LRMDA: variants seen among roughly 807,000 people sequenced by gnomAD.
LRMDA encodes leucine-rich melanocyte differentiation-associated protein.
A neutral mutation model predicts 29.8 loss-of-function variants in LRMDA; 18 were observed. The observed-to-expected ratio is 0.60, with a 90% CI of 0.42 to 0.90. LRMDA has a LOEUF of 0.90. Among genes scored for constraint, LRMDA ranks in the 40% least tolerant of loss-of-function variants. The pLI, the probability that LRMDA is intolerant of heterozygous loss-of-function variation, is 0.00. For missense variants in LRMDA, 273 were observed against 273.9 expected, an observed-to-expected ratio of 1.00 and a Z score of 0.02; for synonymous variants, 125 against 109.4, an observed-to-expected ratio of 1.14 and a Z score of -0.89.
rs182949228 is a variant in LRMDA, at chr10:75,962,203, C to G, written c.132-73805C>G. 6.6e-5 allele frequency among the ~76,000 whole-genome samples: 10 copies of G among 152,278 alleles called. No homozygotes were observed. The East Asian group carries it at 1.2e-3, about 18-fold the overall frequency. On this transcript the variant is annotated intron_variant, in intron 2 of 6. Transcript: ENST00000611255. ...GATTCCACTCATAACAAAAGAGACC[C>G]ACTAGGCACTAGGGAGTGAGCTACT...
chr10:76,027,638 C>T (rs1381652258), intron 2 of LRMDA, among the ~76,000 whole-genome samples: 1 of 152,082 alleles, frequency 6.6e-6, no homozygotes, highest in African/African-American at 2.4e-5. Context: ...ACTAGAACAA[C>T]TAAGAAAGAT....
chr10:75,819,038 CA>C (rs1844111354), intron 2 of LRMDA, among the ~76,000 whole-genome samples: 1 of 152,152 alleles, frequency 6.6e-6, no homozygotes, highest in South Asian at 2.1e-4. Context: ...TTACTCTAGG[CA>C]AATTTTAGAA....
intron 6 of LRMDA, among the ~76,000 whole-genome samples, chr10:76,533,886 TAC>T (rs1843263663): frequency 6.6e-6 from 1 of 152,202 alleles, no homozygotes; most frequent in South Asian, 2.1e-4. Flanking sequence ...TTAACATATT[TAC>T]TGGTTACTAC....
At chr10:75,950,300 G>A (rs1846551426) in intron 2 of LRMDA, among the ~76,000 whole-genome samples, 1 of 152,168 alleles carries the variant, frequency 6.6e-6, no homozygotes, top group Non-Finnish European at 1.5e-5. Flanking sequence ...GTTTGCAATG[G>A]CACCTCAGCT....
chr10:75,765,659 A>G (rs961597234), intron 2 of LRMDA, among the ~76,000 whole-genome samples: 2 of 152,062 alleles, frequency 1.3e-5, no homozygotes, highest in South Asian at 2.1e-4. Context: ...AGTGGTGGCT[A>G]TATGAGCAAA....
At chr10:75,679,863 CGTGTT>C in intron 2 of LRMDA, among the ~76,000 whole-genome samples, 1 of 151,686 alleles carries the variant, frequency 6.6e-6, no homozygotes, top group East Asian at 1.9e-4. Flanking sequence ...AGCTCTGTTG[CGTGTT>C]GTGTTATTTG....
chr10:75,557,119 G>T (rs1840224419), intron 2 of LRMDA, among the ~76,000 whole-genome samples: 1 of 151,946 alleles, frequency 6.6e-6, no homozygotes, highest in African/African-American at 2.4e-5. Flanking sequence ...TTCGAGACCA[G>T]CCTGGACAAC....
At chr10:75,853,961 T>G (rs1178102662) in intron 2 of LRMDA, among the ~76,000 whole-genome samples, 1 of 152,200 alleles carries the variant, frequency 6.6e-6, no homozygotes, top group Non-Finnish European at 1.5e-5. Flanking sequence ...AGGAGGGCCC[T>G]GCCAGTGGTC....
intron 2 of LRMDA, among the ~76,000 whole-genome samples, chr10:75,810,326 GGGTA>G (rs750262340): frequency 1.3e-5 from 2 of 152,188 alleles, no homozygotes; most frequent in Non-Finnish European, 2.9e-5. Flanking sequence ...AGGGCAGACT[GGGTA>G]GGTAGCAGGA....
At chr10:75,581,235 C>T (rs994111151) in intron 2 of LRMDA, among the ~76,000 whole-genome samples, 10 of 151,836 alleles carry the variant, frequency 6.6e-5, no homozygotes, top group African/African-American at 2.4e-4. Context: ...AAAAAACAAC[C>T]CCATCAAAAA....
At chr10:76,407,452 T>A (rs1323895997) in intron 6 of LRMDA, among the ~76,000 whole-genome samples, 1 of 152,208 alleles carries the variant, frequency 6.6e-6, no homozygotes, top group Admixed American at 6.5e-5. Flanking sequence ...ATTAATGTTC[T>A]AGAAGTTACT....
At chr10:75,459,763 C>G (rs1450957055) in intron 2 of LRMDA, among the ~76,000 whole-genome samples, 1 of 152,110 alleles carries the variant, frequency 6.6e-6, no homozygotes, top group Non-Finnish European at 1.5e-5. Flanking sequence ...AGTCCAAGAT[C>G]TAGGGGCTGC....
chr10:76,244,414 A>G (rs1852336312), intron 5 of LRMDA, among the ~76,000 whole-genome samples: 1 of 152,142 alleles, frequency 6.6e-6, no homozygotes, highest in East Asian at 1.9e-4. Flanking sequence ...AGAATGTTCC[A>G]TTCTTCAGGA....
At chr10:75,655,967 A>T (rs1339661725) in intron 2 of LRMDA, among the ~76,000 whole-genome samples, 1 of 151,964 alleles carries the variant, frequency 6.6e-6, no homozygotes, top group Non-Finnish European at 1.5e-5. Context: ...AGCTCCCCTC[A>T]TGTGACCCAT....
intron 5 of LRMDA, among the ~76,000 whole-genome samples, chr10:76,267,148 A>G (rs59143342): frequency 0.13 from 19,579 of 152,122 alleles, 3,702 homozygotes; most frequent in African/African-American, 0.42. Context: ...ACAGGTCACC[A>G]TATGCAGCTT....
intron 2 of LRMDA, among the ~76,000 whole-genome samples, chr10:75,584,115 T>C (rs531712069): frequency 4.3e-4 from 65 of 152,318 alleles, no homozygotes; most frequent in African/African-American, 1.5e-3. Flanking sequence ...TAAGACAATA[T>C]GGGCTGCTTT....
At chr10:76,338,712 G>A (rs1224499546) in intron 6 of LRMDA, among the ~76,000 whole-genome samples, 1 of 146,278 alleles carries the variant, frequency 6.8e-6, no homozygotes, top group Non-Finnish European at 1.5e-5. Flanking sequence ...AAAAAAAAAT[G>A]TAAAATAAAA....
At chr10:76,171,465 G>A (rs1850835229) in intron 5 of LRMDA, among the ~76,000 whole-genome samples, 1 of 152,200 alleles carries the variant, frequency 6.6e-6, no homozygotes, top group Admixed American at 6.5e-5. Context: ...AGAAAGGAAA[G>A]GGAAGGAGGC....
chr10:76,416,703 A>G (rs553104529), intron 6 of LRMDA, among the ~76,000 whole-genome samples: 5 of 152,340 alleles, frequency 3.3e-5, no homozygotes, highest in African/African-American at 1.2e-4. Flanking sequence ...CAATCCATGA[A>G]ATAGAGATCA....
Sources: allele counts gnomAD v4.1 joint callset (sites outside exome capture counted in the v4.1 genomes callset), GRCh38; gene constraint gnomAD v4.1.1; transcripts MANE v1.5; gene names NCBI Gene and HGNC (gene_info 2026-07-23, HGNC 2026-07-21).